ATP8A2: variants seen among roughly 807,000 people sequenced by gnomAD.
ATP8A2 encodes phospholipid-transporting ATPase IB.
Under a neutral mutation model 165.6 loss-of-function variants are expected in ATP8A2, and 100 were observed. The ratio of observed to expected loss-of-function variants is 0.60; its 90% CI spans 0.51 to 0.71. The LOEUF is 0.71. ATP8A2 is among the 30% of genes least tolerant of loss of function. The pLI, the probability that ATP8A2 is intolerant of heterozygous loss-of-function variation, is 0.00. For missense variants in ATP8A2, 1,227 were observed against 1,479.5 expected (o/e 0.83, Z 2.80); for synonymous variants, 543 against 548.8 (o/e 0.99, Z 0.15).
intron 35 of ATP8A2, among the ~76,000 whole-genome samples, chr13:25,975,957 C>A (rs1160051387): frequency 1.3e-5 from 2 of 152,188 alleles, no homozygotes; most frequent in Non-Finnish European, 2.9e-5. Context: ...CATAAAAAGA[C>A]TCTCTGGATG....
chr13:25,857,476 G>A (rs1952201316), intron 30 of ATP8A2, among the ~76,000 whole-genome samples: 1 of 151,316 alleles, frequency 6.6e-6, no homozygotes. Flanking sequence ...CGGAGCTCAA[G>A]CAATCCTCCC....
chr13:25,814,154 G>C (rs927661804), intron 27 of ATP8A2, among the ~76,000 whole-genome samples: 2 of 151,624 alleles, frequency 1.3e-5, no homozygotes, highest in Non-Finnish European at 2.9e-5. Context: ...CTTTTTAAAA[G>C]TGGGTTGTGA....
chr13:25,892,124 C>A (rs1322302623), intron 33 of ATP8A2, among the ~76,000 whole-genome samples: 1 of 151,804 alleles, frequency 6.6e-6, no homozygotes, highest in Non-Finnish European at 1.5e-5. Context: ...TACAGGCGCC[C>A]GCCACCACAC....
At chr13:25,387,668 A>G (rs1320131663) in intron 1 of ATP8A2, among the ~76,000 whole-genome samples, 3 of 152,160 alleles carry the variant, frequency 2.0e-5, no homozygotes, top group Admixed American at 6.5e-5. Context: ...AAACTTGAAT[A>G]ATTTTAGAAT....
intron 23 of ATP8A2, 124 bp downstream of exon 23, chr13:25,582,081 C>A: frequency 1.0e-6 from 1 of 995,494 alleles, no homozygotes; most frequent in Non-Finnish European, 1.4e-6. Context: ...AATCTTCATT[C>A]ACAAGGCTAA....
At chr13:25,515,646 A>G (rs537689311) in intron 2 of ATP8A2, among the ~76,000 whole-genome samples, 7 of 152,236 alleles carry the variant, frequency 4.6e-5, no homozygotes, top group Non-Finnish European at 1.0e-4. Flanking sequence ...AACTGACTGC[A>G]TATTTTTACA....
chr13:25,790,487 A>ACCAG, intron 27 of ATP8A2, among the ~76,000 whole-genome samples: 1 of 151,362 alleles, frequency 6.6e-6, no homozygotes, highest in East Asian at 2.0e-4. Flanking sequence ...GGAGTTTGAG[A>ACCAG]CCAGCCTGGG....
At chr13:25,718,089 C>T (rs78217980) in intron 25 of ATP8A2, among the ~76,000 whole-genome samples, 5,714 of 152,206 alleles carry the variant, frequency 0.038, 160 homozygotes, top group Non-Finnish European at 0.053. Context: ...CCATGCACCC[C>T]AGCATTTATT....
chr13:25,597,646 G>A (rs916130837), intron 24 of ATP8A2, among the ~76,000 whole-genome samples: 1 of 152,130 alleles, frequency 6.6e-6, no homozygotes, highest in Admixed American at 6.6e-5. Context: ...TCTCCAGTCA[G>A]GCCTTGAGGT....
Position 25,514,548 on chromosome 13 carries a change from C to G in ATP8A2, c.222-15451C>G, listed in dbSNP as rs78145726. ...GTGGGTGCCCTGGGAATACTCCTGG[C>G]TGTGGGTGTAGCAGCCTGGCTGTGT... On this transcript the variant is annotated intron_variant, in intron 2 of 36. Transcript: ENST00000381655. Among the ~76,000 whole-genome samples the G allele has an allele frequency of 1.2e-4, 18 of 152,252 alleles. No homozygotes were observed. In the East Asian group the frequency reaches 1.7e-3, roughly 15 times the overall value.
At chr13:25,503,486 C>G (rs1312664167) in intron 2 of ATP8A2, among the ~76,000 whole-genome samples, 1 of 152,104 alleles carries the variant, frequency 6.6e-6, no homozygotes, top group African/African-American at 2.4e-5. Context: ...ACGCTTGGCA[C>G]TGGTGCTACC....
intron 24 of ATP8A2, among the ~76,000 whole-genome samples, chr13:25,606,929 C>A (rs1489202194): frequency 6.6e-6 from 1 of 151,900 alleles, no homozygotes; most frequent in African/African-American, 2.4e-5. Context: ...GGGTCCCCGA[C>A]CCCCAGGGCA....
chr13:25,704,192 A>G (rs2043007967), intron 25 of ATP8A2, among the ~76,000 whole-genome samples: 1 of 152,076 alleles, frequency 6.6e-6, no homozygotes, highest in Non-Finnish European at 1.5e-5. Context: ...AAATTCTACA[A>G]ACTCCCCGTG....
intron 2 of ATP8A2, among the ~76,000 whole-genome samples, chr13:25,479,555 T>A (rs1348593887): frequency 6.6e-6 from 1 of 152,038 alleles, no homozygotes; most frequent in Admixed American, 6.6e-5. Flanking sequence ...TTTGGCAGGG[T>A]CATAGGACAA....
intron 10 of ATP8A2, among the ~76,000 whole-genome samples, chr13:25,550,303 T>C (rs1162751509): frequency 6.6e-6 from 1 of 152,034 alleles, no homozygotes; most frequent in Non-Finnish European, 1.5e-5. Context: ...AGACTCCATC[T>C]CAAAAAATAA....
chr13:25,429,920 G>A (rs973409757), intron 1 of ATP8A2, among the ~76,000 whole-genome samples: 3 of 152,162 alleles, frequency 2.0e-5, no homozygotes, highest in African/African-American at 7.2e-5. Context: ...AGGTTCTGAA[G>A]GAGAGGGATG....
At chr13:25,712,514 C>T (rs1374591745) in intron 25 of ATP8A2, among the ~76,000 whole-genome samples, 1 of 152,184 alleles carries the variant, frequency 6.6e-6, no homozygotes, top group Non-Finnish European at 1.5e-5. Flanking sequence ...CTTTGAGCAT[C>T]CTTGCTGAAT....
At chr13:25,720,581 G>A (rs558945431) in intron 25 of ATP8A2, among the ~76,000 whole-genome samples, 20 of 152,238 alleles carry the variant, frequency 1.3e-4, no homozygotes, top group South Asian at 2.1e-4. Context: ...CCCTCAGGTC[G>A]TCCACTCATC....
In ATP8A2 at chr13:26,012,556, A is replaced by C; in HGVS notation, c.3403A>C (p.Lys1135Gln). 1 of 1,538,582 alleles carries C rather than the reference A, an allele frequency of 6.5e-7. No homozygotes were observed. Among genetic ancestry groups the C allele is most frequent in the Non-Finnish European group, 8.8e-7 (1 of 1,141,602 alleles). ...GCTGAACGAGCGCGACCGCCTGATCAAGAGGCTGGGCCGGAAGACGCCCCC... is the reference window on the plus strand; with the variant it reads ...GCTGAACGAGCGCGACCGCCTGATCCAGAGGCTGGGCCGGAAGACGCCCCC... Reference protein sequence around the residue: ...KRLNERDRLIKRLGRKTPPTL... With the variant: ...KRLNERDRLIQRLGRKTPPTL... Residue 1135 changes from lysine (K) to glutamine (Q), a missense_variant, in exon 36 of 37, where the codon AAG becomes CAG. Coordinates refer to ENST00000381655, the MANE Select transcript of ATP8A2 (RefSeq NM_016529.6).
Sources: gnomAD v4.1 joint callset for allele counts (sites outside exome capture counted in the v4.1 genomes callset) on GRCh38, gnomAD v4.1.1 for gene constraint, MANE v1.5 for transcripts, NCBI Gene and HGNC (gene_info 2026-07-23, HGNC 2026-07-21) for gene names.